NEMP2: variants seen among roughly 807,000 people sequenced by gnomAD.
The protein encoded by NEMP2 is UPF0571 transmembrane protein.
In NEMP2, 53 loss-of-function variants were observed where a neutral mutation model predicts 54.2. That is an observed-to-expected ratio of 0.98 (90% CI 0.78 to 1.23). The LOEUF is 1.23. Among genes scored for constraint, NEMP2 ranks in the 50% most tolerant of loss-of-function variants. NEMP2 has a pLI of 0.00. For synonymous variants in NEMP2, 197 were observed against 190.3 expected (o/e 1.04, Z -0.29); for missense variants, 455 against 511.3 (o/e 0.89, Z 1.06).
chr2:190,462,597 A>G, the NEMP2 span, among the ~76,000 whole-genome samples: 3 of 152,156 alleles, frequency 2.0e-5, no homozygotes, highest in African/African-American at 4.8e-5. The surrounding 1 kb of genome is among the most constrained non-coding windows in gnomAD (Gnocchi z 5.7). Context: ...TCAGTGTGCA[A>G]CAGACTGTGA....
chr2:190,534,834 G>C (rs1691314357), upstream of NEMP2: 2 of 438,012 alleles, frequency 4.6e-6, no homozygotes, highest in African/African-American at 4.1e-5. Context: ...TCCAGCCTCC[G>C]CCCGCGGCCT....
chr2:190,488,679 G>A, the NEMP2 span: 1 of 1,585,620 alleles, frequency 6.3e-7, no homozygotes, highest in Non-Finnish European at 8.6e-7. This position sits in a 1 kb window ranked among gnomAD's most constrained non-coding sequence, Gnocchi z 6.4. Flanking sequence ...CGGCCATCTG[G>A]GCAGCATGCA....
chr2:190,469,897 C>T, the NEMP2 span: 10 of 1,447,790 alleles, frequency 6.9e-6, no homozygotes, highest in Non-Finnish European at 9.7e-6. This position sits in a 1 kb window ranked among gnomAD's most constrained non-coding sequence, Gnocchi z 5.3. Context: ...TCTGCCTTCC[C>T]TGAGCTGTGG....
At chr2:190,603,534 C>G in the NEMP2 span, among the ~76,000 whole-genome samples, 1 of 148,858 alleles carries the variant, frequency 6.7e-6, no homozygotes, top group Non-Finnish European at 1.5e-5. Flanking sequence ...CTCCCTGAGA[C>G]AGTGGCTCCC....
chr2:190,577,551 G>A, the NEMP2 span, among the ~76,000 whole-genome samples: 13 of 152,250 alleles, frequency 8.5e-5, no homozygotes, highest in African/African-American at 2.6e-4. This position sits in a 1 kb window ranked among gnomAD's most constrained non-coding sequence, Gnocchi z 4.8. Context: ...GGGCAACTGT[G>A]GCAAATTATT....
the NEMP2 span, among the ~76,000 whole-genome samples, chr2:190,455,934 C>CTTTTTTTTTTTTTTT: frequency 4.6e-5 from 3 of 65,370 alleles, 1 homozygote; most frequent in Non-Finnish European, 2.5e-5. Flanking sequence ...ATTTACTCTG[C>CTTTTTTTTTTTTTTT]TTTTTTTTTT....
At chr2:190,481,875 G>A in the NEMP2 span, among the ~76,000 whole-genome samples, 8 of 152,302 alleles carry the variant, frequency 5.3e-5, no homozygotes, top group East Asian at 1.4e-3. Context: ...AGGATCCTCC[G>A]CCATTTGTGG....
At chr2:190,469,638 G>T in the NEMP2 span, 1 of 474,132 alleles carries the variant, frequency 2.1e-6, no homozygotes, top group South Asian at 8.3e-5. This position sits in a 1 kb window ranked among gnomAD's most constrained non-coding sequence, Gnocchi z 5.3. Flanking sequence ...GGGTGGTTTG[G>T]GGAAGGAAAA....
the NEMP2 span, among the ~76,000 whole-genome samples, chr2:190,431,959 A>G: frequency 6.6e-6 from 1 of 152,206 alleles, no homozygotes; most frequent in African/African-American, 2.4e-5. The surrounding 1 kb of genome is among the most constrained non-coding windows in gnomAD (Gnocchi z 4.4). Context: ...TTCTGAAGAT[A>G]ATCATATATT....
chr2:190,516,283 C>A lies in NEMP2; in HGVS notation c.714G>T (p.Arg238Ser). The A allele has an allele frequency of 6.5e-7, 1 of 1,550,142 alleles. No individual in the cohort carries two copies. Among genetic ancestry groups the A allele is most frequent in the Non-Finnish European group, 8.7e-7 (1 of 1,146,258 alleles). ...CTATTTACCTACCTAATACATATAT[C>A]CTGTTTTCATACCACAGCCACTTCA... ...EDLKWLWYEN[R>S]IYVLGYVLIV... Residue 238 changes from arginine to serine, a missense_variant, in exon 6 of 9, where the codon AGG becomes AGT. Arg to Ser is a moderately radical substitution (Grantham distance 110, BLOSUM62 -1). This residue lies in a region of NEMP2 where 294 missense variants were observed against 333.6 expected (regional missense o/e 0.88). Coordinates refer to ENST00000409150, the MANE Select transcript of NEMP2 (RefSeq NM_001142645.2).
the NEMP2 span, chr2:190,437,420 T>C: frequency 6.2e-7 from 1 of 1,614,112 alleles, no homozygotes. This position sits in a 1 kb window ranked among gnomAD's most constrained non-coding sequence, Gnocchi z 5.9. Flanking sequence ...TATGGCTTCG[T>C]GTTCACCTTT....
At chr2:190,494,498 A>G in the NEMP2 span, among the ~76,000 whole-genome samples, 1 of 152,216 alleles carries the variant, frequency 6.6e-6, no homozygotes, top group Non-Finnish European at 1.5e-5. This position sits in a 1 kb window ranked among gnomAD's most constrained non-coding sequence, Gnocchi z 5.7. Context: ...AAAACATTCT[A>G]TGAAGCCAGT....
the NEMP2 span, among the ~76,000 whole-genome samples, chr2:190,582,411 G>C: frequency 6.6e-6 from 1 of 152,042 alleles, no homozygotes; most frequent in Admixed American, 6.6e-5. This position sits in a 1 kb window ranked among gnomAD's most constrained non-coding sequence, Gnocchi z 4.6. Context: ...TGGAATATTG[G>C]GAGACCACTG....
the NEMP2 span, among the ~76,000 whole-genome samples, chr2:190,578,365 GAGA>G: frequency 0.065 from 9,872 of 152,238 alleles, 395 homozygotes; most frequent in Middle Eastern, 0.14. The surrounding 1 kb of genome is among the most constrained non-coding windows in gnomAD (Gnocchi z 4.4). Flanking sequence ...CTAGCTGCAG[GAGA>G]AGAACAGGCA....
the NEMP2 span, among the ~76,000 whole-genome samples, chr2:190,552,401 CT>C: frequency 1.3e-5 from 2 of 152,172 alleles, no homozygotes; most frequent in Admixed American, 6.5e-5. Flanking sequence ...ACTGCTGCCA[CT>C]GTCATCTTCC....
downstream of NEMP2, among the ~76,000 whole-genome samples, chr2:190,503,087 G>A (rs1690090375): frequency 6.6e-6 from 1 of 152,206 alleles, no homozygotes; most frequent in Admixed American, 6.5e-5. The surrounding 1 kb of genome is among the most constrained non-coding windows in gnomAD (Gnocchi z 6.3). Context: ...ATGTGTATGT[G>A]TGTGGTTGTA....
chr2:190,592,129 G>T, the NEMP2 span, among the ~76,000 whole-genome samples: 1 of 152,122 alleles, frequency 6.6e-6, no homozygotes, highest in Non-Finnish European at 1.5e-5. This position sits in a 1 kb window ranked among gnomAD's most constrained non-coding sequence, Gnocchi z 4.4. Flanking sequence ...CAGAGGTGCA[G>T]GGGGGAAAAG....
At chr2:190,640,661 A>AATT in the NEMP2 span, among the ~76,000 whole-genome samples, 1 of 152,156 alleles carries the variant, frequency 6.6e-6, no homozygotes, top group African/African-American at 2.4e-5. Flanking sequence ...AGTAGTTTAA[A>AATT]AGTCTCTCAT....
the NEMP2 span, among the ~76,000 whole-genome samples, chr2:190,565,336 C>G: frequency 5.9e-5 from 9 of 152,146 alleles, no homozygotes; most frequent in Admixed American, 1.3e-4. Flanking sequence ...CACTATTAAT[C>G]AGGGAACTAA....
Sources: gnomAD v4.1 joint callset for allele counts (sites outside exome capture counted in the v4.1 genomes callset) on GRCh38, gnomAD v4.1.1 for gene constraint, gnomAD v4.1.1 regional missense constraint, Gnocchi (gnomAD v3.1) non-coding constraint, MANE v1.5 for transcripts, NCBI Gene and HGNC (gene_info 2026-07-23, HGNC 2026-07-21) for gene names.